Variants in HTR3B observed in about 807,000 individuals in gnomAD.
HTR3B encodes 5-hydroxytryptamine (serotonin) receptor 3B, ionotropic.
In HTR3B, 44 loss-of-function variants were observed where a neutral mutation model predicts 42.8. The observed-to-expected ratio is 1.03, with a 90% CI of 0.81 to 1.32. The LOEUF (loss-of-function observed/expected upper bound fraction) is 1.32, where lower values mean the gene tolerates loss of function less well. HTR3B is among the 40% of genes most tolerant of loss of function. HTR3B has a pLI of 0.00. For synonymous variants in HTR3B, 203 were observed against 209.0 expected (o/e 0.97, Z 0.25); for missense variants, 527 against 536.5 (o/e 0.98, Z 0.17).
intron 6 of HTR3B, among the ~76,000 whole-genome samples, chr11:113,940,871 G>A (rs1248457670): frequency 6.6e-6 from 1 of 152,212 alleles, no homozygotes; most frequent in African/African-American, 2.4e-5. Flanking sequence ...AGATGGGGAT[G>A]AAGGAGAAGA....
intron 1 of HTR3B, among the ~76,000 whole-genome samples, chr11:113,906,076 A>G (rs1164951335): frequency 2.0e-5 from 3 of 152,208 alleles, no homozygotes; most frequent in Non-Finnish European, 2.9e-5. Flanking sequence ...TCTTAACAAT[A>G]TCTCTCTAAT....
intron 7 of HTR3B, among the ~76,000 whole-genome samples, chr11:113,944,020 CTCTTT>C (rs1384905477): frequency 7.9e-6 from 1 of 126,476 alleles, no homozygotes; most frequent in African/African-American, 3.6e-5. Flanking sequence ...TTGTCTCTCT[CTCTTT>C]TTTTTTTTTT....
At position 113,944,769 on chromosome 11, in the gene HTR3B, C is replaced by T. The variant is rs144403007; in HGVS notation, c.1090+14C>T. ...CTGTGGTAACAGGTGTGTGAGAAGC[C>T]TTGTGTTTCTCCCCCGTCTGGATTG... is the stretch of plus-strand genomic sequence containing the variant. On this transcript the variant is annotated intron_variant, in intron 8 of 8. Transcript: ENST00000260191. 1 of 1,610,070 alleles carries T rather than the reference C, an allele frequency of 6.2e-7. No individual in the cohort carries two copies. The highest frequency in any genetic ancestry group is 1.3e-5 in the African/African-American group (1 of 74,938).
At chr11:113,908,238 C>G (rs550111969) in intron 1 of HTR3B, among the ~76,000 whole-genome samples, 1 of 152,288 alleles carries the variant, frequency 6.6e-6, no homozygotes, top group South Asian at 2.1e-4. Context: ...CCTGTAGCGG[C>G]AAGTGACATG....
At chr11:113,915,916 G>A (rs748387531) in intron 2 of HTR3B, among the ~76,000 whole-genome samples, 5 of 152,082 alleles carry the variant, frequency 3.3e-5, no homozygotes, top group Non-Finnish European at 7.3e-5. Context: ...TCAGCTCACT[G>A]CAACCTCTGC....
upstream of HTR3B, among the ~76,000 whole-genome samples, chr11:113,902,912 AG>A (rs1320397975): frequency 6.6e-6 from 1 of 152,104 alleles, no homozygotes; most frequent in East Asian, 1.9e-4. Context: ...TCTATTGCCC[AG>A]GCTGGAGTGC....
At chr11:113,935,654 AG>A (rs969798355) in intron 6 of HTR3B, among the ~76,000 whole-genome samples, 1 of 152,136 alleles carries the variant, frequency 6.6e-6, no homozygotes, top group Non-Finnish European at 1.5e-5. Context: ...TTAGCAACCA[AG>A]GCACCTGGCT....
chr11:113,936,859 A>G (rs926621302), intron 6 of HTR3B, among the ~76,000 whole-genome samples: 5 of 152,194 alleles, frequency 3.3e-5, no homozygotes, highest in Admixed American at 1.3e-4. Flanking sequence ...TCTACCATCA[A>G]GGAGGCAATT....
intron 2 of HTR3B, among the ~76,000 whole-genome samples, chr11:113,920,400 G>A (rs183228226): frequency 1.0e-3 from 152 of 150,404 alleles, no homozygotes; most frequent in Non-Finnish European, 1.6e-3. Context: ...TTTTGAGATG[G>A]AGACTCACTC....
intron 3 of HTR3B, 22 bp downstream of exon 3, chr11:113,931,450 T>A: frequency 6.9e-7 from 1 of 1,447,000 alleles, no homozygotes. Context: ...TGTTTTCTTC[T>A]AAATATATTG....
At chr11:113,934,397 GGAAAGAAAGAAAAAAAGAAAGAAA>G (rs1362525033) in intron 6 of HTR3B, among the ~76,000 whole-genome samples, 5 of 102,646 alleles carry the variant, frequency 4.9e-5, no homozygotes, top group African/African-American at 1.9e-4. Flanking sequence ...GAAGAAAGAA[GGAAAGAAAGAAAAAAAGAAAGAAA>G]GAAAGAAGGA....
At chr11:113,900,182 T>C (rs1482472502), upstream of HTR3B, among the ~76,000 whole-genome samples, 5 of 151,772 alleles carry the variant, frequency 3.3e-5, no homozygotes, top group Non-Finnish European at 7.4e-5. Context: ...CACTTGAACT[T>C]GGGAGGCAGA....
chr11:113,914,351 C>A (rs1311240219), intron 2 of HTR3B, among the ~76,000 whole-genome samples: 2 of 151,168 alleles, frequency 1.3e-5, no homozygotes, highest in Non-Finnish European at 2.9e-5. Context: ...GTAATCCCAG[C>A]TACTCAGGAG....
upstream of HTR3B, among the ~76,000 whole-genome samples, chr11:113,904,176 TTCAA>T (rs1949717303): frequency 6.6e-6 from 1 of 152,196 alleles, no homozygotes; most frequent in African/African-American, 2.4e-5. Context: ...TGAATGCGTA[TTCAA>T]TCAAAAAGTG....
intron 2 of HTR3B, among the ~76,000 whole-genome samples, chr11:113,918,396 C>T (rs889913863): frequency 6.6e-6 from 1 of 151,956 alleles, no homozygotes; most frequent in Non-Finnish European, 1.5e-5. Context: ...GGTGCTATCC[C>T]TTTATAGCCA....
At chr11:113,899,036 C>G in the HTR3B span, among the ~76,000 whole-genome samples, 1 of 152,096 alleles carries the variant, frequency 6.6e-6, no homozygotes, top group African/African-American at 2.4e-5. Flanking sequence ...GGAGTTTGAC[C>G]AAGGCCATGA....
At chr11:113,907,383 A>G (rs779268978) in intron 1 of HTR3B, among the ~76,000 whole-genome samples, 1 of 152,216 alleles carries the variant, frequency 6.6e-6, no homozygotes, top group Non-Finnish European at 1.5e-5. Flanking sequence ...TGGTCACTTA[A>G]ATCCTTAATC....
chr11:113,932,214 A>G (rs1040876001), intron 4 of HTR3B, 75 bp from the exon 5 acceptor site: 7 of 1,233,438 alleles, frequency 5.7e-6, no homozygotes, highest in African/African-American at 4.5e-5. Context: ...GGTCACTACC[A>G]TCTCCTAATC....
At chr11:113,912,488 C>A (rs1949806321) in intron 2 of HTR3B, among the ~76,000 whole-genome samples, 1 of 152,180 alleles carries the variant, frequency 6.6e-6, no homozygotes, top group African/African-American at 2.4e-5. Context: ...CGTGATCCAC[C>A]CGCCTCGGCC....
Sources: gnomAD v4.1 joint callset for allele counts (sites outside exome capture counted in the v4.1 genomes callset) on GRCh38, gnomAD v4.1.1 for gene constraint, MANE v1.5 for transcripts, NCBI Gene and HGNC (gene_info 2026-07-23, HGNC 2026-07-21) for gene names.